Variants in TMEM63C observed in about 807,000 individuals in gnomAD.
TMEM63C encodes the protein transmembrane protein 63C.
A neutral mutation model predicts 99.2 loss-of-function variants in TMEM63C; 32 were observed. That is an observed-to-expected ratio of 0.32 (90% CI 0.24 to 0.43). The LOEUF (loss-of-function observed/expected upper bound fraction) is 0.43, where lower values mean the gene tolerates loss of function less well. Among genes scored for constraint, TMEM63C ranks in the 20% least tolerant of loss-of-function variants. The probability of loss-of-function intolerance (pLI) is 1.00; values close to 1 mark genes in which losing one functional copy is unlikely to be tolerated. For missense variants in TMEM63C, 826 were observed against 1,053.0 expected, an observed-to-expected ratio of 0.78 and a Z score of 2.98; for synonymous variants, 376 against 397.9, an observed-to-expected ratio of 0.94 and a Z score of 0.66.
chr14:77,238,855 G>T, intron 10 of TMEM63C, 88 bp downstream of exon 10: 1 of 1,103,662 alleles, frequency 9.1e-7, no homozygotes, highest in South Asian at 1.3e-5. Flanking sequence ...GTTGGTGCAG[G>T]ATGGTGGGAC....
At chr14:77,204,013 G>A (rs1244742870) in intron 1 of TMEM63C, among the ~76,000 whole-genome samples, 2 of 152,270 alleles carry the variant, frequency 1.3e-5, no homozygotes, top group East Asian at 3.8e-4. Flanking sequence ...AGTCAGGGGA[G>A]AGGCTGGAGG....
chr14:77,187,959 T>C (rs1035002503), intron 1 of TMEM63C, among the ~76,000 whole-genome samples: 10 of 152,190 alleles, frequency 6.6e-5, no homozygotes, highest in Middle Eastern at 3.2e-3. Flanking sequence ...GGGGGATGTG[T>C]CAGATGCCCT....
chr14:77,254,477 A>G (rs1008612015), intron 23 of TMEM63C, among the ~76,000 whole-genome samples: 2 of 152,230 alleles, frequency 1.3e-5, no homozygotes, highest in Non-Finnish European at 2.9e-5. Context: ...TCAAAGCAAG[A>G]AAGTCTCTCT....
intron 2 of TMEM63C, among the ~76,000 whole-genome samples, chr14:77,215,614 A>AG (rs1555347249): frequency 2.6e-5 from 2 of 76,550 alleles, no homozygotes; most frequent in East Asian, 9.1e-4. Flanking sequence ...AAAAAAAAAA[A>AG]AAAAGAAAAG....
At chr14:77,236,976 C>T (rs1302133390) in intron 9 of TMEM63C, among the ~76,000 whole-genome samples, 1 of 122,274 alleles carries the variant, frequency 8.2e-6, no homozygotes, top group Non-Finnish European at 1.7e-5. Flanking sequence ...CACCCTCTCA[C>T]GCTCCTCCAC....
intron 1 of TMEM63C, among the ~76,000 whole-genome samples, chr14:77,208,196 G>A (rs188316577): frequency 3.1e-4 from 47 of 152,334 alleles, no homozygotes; most frequent in Non-Finnish European, 4.1e-4. Flanking sequence ...ACAGGGAATC[G>A]CAGGGTCTCG....
At chr14:77,236,944 C>G (rs1594865295) in intron 9 of TMEM63C, among the ~76,000 whole-genome samples, 1 of 123,522 alleles carries the variant, frequency 8.1e-6, no homozygotes, top group African/African-American at 3.3e-5. Context: ...TCTCCACCCT[C>G]TCACCCTCCT....
chr14:77,229,221 T>G (rs1888890755), intron 6 of TMEM63C, among the ~76,000 whole-genome samples: 1 of 151,846 alleles, frequency 6.6e-6, no homozygotes, highest in African/African-American at 2.4e-5. Context: ...CTGGCCAACA[T>G]GGTGAAACTC....
At chr14:77,244,500 T>G (rs1453429134) in intron 16 of TMEM63C, 45 bp downstream of exon 16, 2 of 1,504,890 alleles carry the variant, frequency 1.3e-6, no homozygotes, top group African/African-American at 2.8e-5. Context: ...TTCTCCAGCC[T>G]CTTCCCCTGC....
At chr14:77,234,594 A>C (rs1401713524) in intron 8 of TMEM63C, among the ~76,000 whole-genome samples, 1 of 152,222 alleles carries the variant, frequency 6.6e-6, no homozygotes, top group Non-Finnish European at 1.5e-5. Context: ...AGCATGGTGG[A>C]TCCACCATCA....
At chr14:77,204,047 G>A (rs56345553) in intron 1 of TMEM63C, among the ~76,000 whole-genome samples, 5 of 152,246 alleles carry the variant, frequency 3.3e-5, no homozygotes, top group African/African-American at 7.2e-5. Context: ...GCTGCCTGCC[G>A]GCATCTTAGC....
At chr14:77,228,433 C>T (rs971962058) in intron 6 of TMEM63C, among the ~76,000 whole-genome samples, 5 of 152,022 alleles carry the variant, frequency 3.3e-5, no homozygotes, top group Non-Finnish European at 7.4e-5. Flanking sequence ...GGGAGGGAAA[C>T]GTTTAGCCGC....
At chr14:77,215,956 T>G (rs907546034) in intron 2 of TMEM63C, among the ~76,000 whole-genome samples, 1 of 152,236 alleles carries the variant, frequency 6.6e-6, no homozygotes, top group Non-Finnish European at 1.5e-5. Context: ...TCCTCTCCTG[T>G]CATTCTCTCT....
In TMEM63C at chr14:77,251,256, T is replaced by C. The variant is rs1006236939; in HGVS notation, c.2039-533T>C. Among the ~76,000 whole-genome samples the C allele has an allele frequency of 3.9e-5, 6 of 152,228 alleles. No homozygotes were observed. In the East Asian group the frequency reaches 1.2e-3, roughly 29 times the overall value. ...TGCAGTAAGCATCATTAAGCAGTGA[T>C]TTTTGGCTGTAAAGCATAATTTAAA... On this transcript the variant is annotated intron_variant, in intron 21 of 23. Transcript: ENST00000298351.
chr14:77,220,408 G>A (rs1888670063), intron 5 of TMEM63C, among the ~76,000 whole-genome samples: 1 of 152,218 alleles, frequency 6.6e-6, no homozygotes, highest in South Asian at 2.1e-4. Context: ...TCCTGCCCAC[G>A]TCCCTACCTC....
At chr14:77,207,234 TG>T (rs1888417316) in intron 1 of TMEM63C, among the ~76,000 whole-genome samples, 1 of 152,174 alleles carries the variant, frequency 6.6e-6, no homozygotes, top group Non-Finnish European at 1.5e-5. Flanking sequence ...ATGGATGGGG[TG>T]GGGAAGCCAA....
At chr14:77,204,530 A>G (rs1888362564) in intron 1 of TMEM63C, among the ~76,000 whole-genome samples, 1 of 152,156 alleles carries the variant, frequency 6.6e-6, no homozygotes, top group Non-Finnish European at 1.5e-5. Flanking sequence ...TCTTCTGCAA[A>G]TATTTGTAAA....
chr14:77,235,322 C>G (rs1315717850), intron 8 of TMEM63C, among the ~76,000 whole-genome samples: 1 of 144,180 alleles, frequency 6.9e-6, no homozygotes, highest in Non-Finnish European at 1.5e-5. Flanking sequence ...GAGAAGACTG[C>G]AATGGATGGG....
chr14:77,218,418 A>T (rs1261381057), intron 2 of TMEM63C, among the ~76,000 whole-genome samples: 3 of 152,224 alleles, frequency 2.0e-5, no homozygotes, highest in Non-Finnish European at 4.4e-5. Context: ...TCCAACCTGA[A>T]CATTTCCACA....
Sources: allele counts gnomAD v4.1 joint callset (sites outside exome capture counted in the v4.1 genomes callset), GRCh38; gene constraint gnomAD v4.1.1; transcripts MANE v1.5; gene names NCBI Gene and HGNC (gene_info 2026-07-23, HGNC 2026-07-21).